KRT40: variants seen among roughly 807,000 people sequenced by gnomAD.
The protein encoded by KRT40 is keratin, type I cytoskeletal 40.
A neutral mutation model predicts 43.5 loss-of-function variants in KRT40; 47 were observed. That is an observed-to-expected ratio of 1.08 (90% confidence interval 0.86 to 1.38). KRT40 has a LOEUF of 1.38. Among genes scored for constraint, KRT40 ranks in the 40% most tolerant of loss-of-function variants. The pLI is 0.00. For missense variants in KRT40, 573 were observed against 523.6 expected (o/e 1.09, Z -0.92); for synonymous variants, 212 against 214.0 (o/e 0.99, Z 0.08).
At chr17:40,983,347 A>C (rs1912286929) in intron 1 of KRT40, among the ~76,000 whole-genome samples, 2 of 152,254 alleles carry the variant, frequency 1.3e-5, no homozygotes, top group Non-Finnish European at 2.9e-5. Context: ...TTAGTTTTTT[A>C]ATAACATAAG....
Position 40,984,116 on chromosome 17 carries a change from C to G in KRT40, c.158G>C (p.Arg53Pro). The change falls in exon 1 of 7, where the codon CGC (arginine) becomes CCC (proline). Residue 53 changes from arginine (R) to proline (P), a missense_variant. By Grantham distance (103) the Arg-to-Pro change is moderately radical. Transcript: ENST00000377755. The stretch of plus-strand genomic sequence containing the variant: ...TGGCAGGAGGCAACCAGTCAGCCCG[C>G]GAGACCTGGATAGGAAGCTTGGAGT... The part of the protein sequence containing the change: ...CQTPSFLSRS[R>P]GLTGCLLPCY... 6.2e-7 allele frequency: 1 copy of G among 1,614,092 alleles called. No individual in the cohort carries two copies. Among genetic ancestry groups the G allele is most frequent in the East Asian group, 2.2e-5 (1 of 44,868 alleles).
rs17714254 is a variant in KRT40 at position 40,980,517 on chromosome 17, G to C, written c.975+268C>G. 0.036 allele frequency among the ~76,000 whole-genome samples: 5,447 copies of C among 152,260 alleles called. 135 individuals carry two copies. Among genetic ancestry groups the C allele is most frequent in the Non-Finnish European group, 0.054 (3,676 of 68,006 alleles). ...TTAAAACCTGCCAGAATGCTTAAGCGACCATGGCCCGGAGGTTTCTCTCCA... is the reference window on the plus strand; with the variant it reads ...TTAAAACCTGCCAGAATGCTTAAGCCACCATGGCCCGGAGGTTTCTCTCCA... On this transcript the variant is annotated intron_variant, in intron 5 of 6. Transcript: ENST00000377755.
intron 3 of KRT40, chr17:40,981,428 A>G (rs1912145567): frequency 1.6e-6 from 1 of 621,910 alleles, no homozygotes; most frequent in Non-Finnish European, 2.9e-6. Context: ...ATTATGACAC[A>G]TAGTAAGGTG....
chr17:40,982,227 T>TAA, intron 3 of KRT40, 80 bp downstream of exon 3: 2 of 1,313,060 alleles, frequency 1.5e-6, no homozygotes, highest in Non-Finnish European at 2.0e-6. Flanking sequence ...CCAAATTCGA[T>TAA]TTACAAACAT....
At chr17:40,980,723 G>C (rs1912092543) in intron 5 of KRT40, 62 bp downstream of exon 5, 7 of 1,518,012 alleles carry the variant, frequency 4.6e-6, no homozygotes, top group Non-Finnish European at 6.1e-6. Flanking sequence ...ATGGAAGAGG[G>C]CTTAACATCT....
At chr17:40,987,079 G>C (rs1172762536), upstream of KRT40, 1 of 152,188 alleles carries the variant, frequency 6.6e-6, no homozygotes. Flanking sequence ...TCGTTCAACT[G>C]CCTCATGTGG....
chr17:40,986,254 AC>A (rs5820386), upstream of KRT40: 32,656 of 152,342 alleles, frequency 0.21, 4,424 homozygotes, highest in African/African-American at 0.39. Flanking sequence ...AATAAAAAAA[AC>A]CAAAAAACAA....
rs17843015 is a variant in KRT40 at position 40,984,020 on chromosome 17, A to G, written c.254T>C (p.Phe85Ser). 0.12 allele frequency: 190,078 copies of G among 1,613,658 alleles called. 12,081 individuals carry two copies. The highest frequency in any genetic ancestry group is 0.19 in the Admixed American group (11,569 of 59,956). The change falls in exon 1 of 7, where the codon TTC becomes TCC. Residue 85 changes from phenylalanine to serine, a missense_variant. Coordinates refer to ENST00000377755, the MANE Select transcript of KRT40 (RefSeq NM_001389244.1). ...GNCAWCEDGV[F>S]TSNEKETMQF... ...CATCGTCTCCTTCTCATTGCTAGTG[A>G]ACACCCCATCCTCACACCAGGCACA...
Position 40,977,946 on chromosome 17 carries a change from A to G in KRT40, c.*251T>C. On this transcript the variant is annotated 3_prime_UTR_variant, in exon 7 of 7. Coordinates refer to ENST00000377755, the MANE Select transcript of KRT40 (RefSeq NM_001389244.1). ...AGTAATCAGCCATAGAGCTATATTTACCACGCTAAAGGAATAAAACACGTT... is the reference window on the plus strand; with the variant it reads ...AGTAATCAGCCATAGAGCTATATTTGCCACGCTAAAGGAATAAAACACGTT... The G allele has an allele frequency of 2.5e-6, 1 of 404,368 alleles. No homozygotes were observed. The highest frequency in any genetic ancestry group is 4.5e-6 in the Non-Finnish European group (1 of 221,136). The allele number at this position is 404,368 out of a possible 1,614,324, so 25.0% of individuals were successfully genotyped here.
upstream of KRT40, among the ~76,000 whole-genome samples, chr17:40,986,698 G>C (rs554332059): frequency 6.0e-5 from 9 of 150,048 alleles, no homozygotes; most frequent in African/African-American, 2.2e-4. Context: ...ATTGGGAATA[G>C]AGAAAAAGAA....
upstream of KRT40, among the ~76,000 whole-genome samples, chr17:40,984,753 C>T (rs1362506046): frequency 6.6e-6 from 1 of 152,004 alleles, no homozygotes; most frequent in Non-Finnish European, 1.5e-5. Flanking sequence ...TTGTTTGTGC[C>T]ACCACCATAA....
Position 40,978,849 on chromosome 17 carries a change from C to T in KRT40, c.1151G>A (p.Gly384Asp). Reference protein sequence around the residue: ...VLLDVKARLEGEINTYWGLLD... With the variant: ...VLLDVKARLEDEINTYWGLLD... ...CAGGCCCCAGTACGTGTTGATCTCA[C>T]CCTCCAGCCGGGCCTTCACGTCCAG... is the stretch of plus-strand genomic sequence containing the variant. The change falls in exon 6 of 7, where the codon GGT (glycine) becomes GAT (aspartate). Residue 384 changes from glycine (G) to aspartate (D), a missense_variant. Gly to Asp is a moderately conservative substitution (Grantham distance 94, BLOSUM62 -1). Coordinates refer to ENST00000377755, the MANE Select transcript of KRT40 (RefSeq NM_001389244.1). 6.2e-7 allele frequency: 1 copy of T among 1,611,644 alleles called. No homozygotes were observed. The highest frequency in any genetic ancestry group is 2.2e-5 in the East Asian group (1 of 44,792).
At chr17:40,979,342 C>T (rs958872954) in intron 5 of KRT40, among the ~76,000 whole-genome samples, 4 of 151,900 alleles carry the variant, frequency 2.6e-5, no homozygotes, top group South Asian at 2.1e-4. Context: ...GGTGAAACCC[C>T]GTCTCTACTA....
At chr17:40,978,758 C>T in intron 6 of KRT40, 46 bp downstream of exon 6, 1 of 1,518,854 alleles carries the variant, frequency 6.6e-7, no homozygotes, top group Non-Finnish European at 9.1e-7. Context: ...TTTACATCAG[C>T]CTCTTTGTGA....
chr17:40,980,283 C>T (rs1431424643), intron 5 of KRT40, among the ~76,000 whole-genome samples: 2 of 152,130 alleles, frequency 1.3e-5, no homozygotes, highest in African/African-American at 4.8e-5. Context: ...TCCGCAGGGC[C>T]TAATGACATG....
chr17:40,982,267 T>C, intron 3 of KRT40, 40 bp downstream of exon 3: 1 of 1,475,292 alleles, frequency 6.8e-7, no homozygotes, highest in Non-Finnish European at 9.0e-7. Flanking sequence ...GTAAGTACGT[T>C]ACTCTCGGAG....
rs1316146159 is a variant in KRT40 at position 40,981,075 on chromosome 17, T to C, written c.764A>G (p.Asn255Ser). 6 of 1,614,208 alleles carry C rather than the reference T, an allele frequency of 3.7e-6. No homozygotes were observed. The highest frequency in any genetic ancestry group is 1.3e-5 in the African/African-American group (1 of 75,048). ...ELDTAPTLDL[N>S]RVLDEMRCQC... ...ACAGCGCATCTCATCCAGGACCCTGTTGAGGTCAAGGGTGGGGGCAGTGTC... is the reference window on the plus strand; with the variant it reads ...ACAGCGCATCTCATCCAGGACCCTGCTGAGGTCAAGGGTGGGGGCAGTGTC... The change falls in exon 4 of 7, where the codon AAC becomes AGC. Residue 255 changes from asparagine (N) to serine (S), a missense_variant. Transcript: ENST00000377755.
chr17:40,978,078 A>G lies in KRT40; in HGVS notation c.*119T>C. 1.4e-6 allele frequency: 1 copy of G among 713,474 alleles called. No homozygotes were observed. The highest frequency in any genetic ancestry group is 2.5e-6 in the Non-Finnish European group (1 of 405,542). 44.2% of individuals were successfully genotyped at this position (713,474 alleles called of 1,614,324 possible). A position where few individuals can be genotyped will look rare whatever the true frequency, so the allele number is the denominator to read the frequency against. On this transcript the variant is annotated 3_prime_UTR_variant, in exon 7 of 7. Transcript: ENST00000377755. ...AAAGACTGAGGATACCTGGAGGGCAATTCCAGGATATGAGAGCCTCCTGGA... is the reference window on the plus strand; with the variant it reads ...AAAGACTGAGGATACCTGGAGGGCAGTTCCAGGATATGAGAGCCTCCTGGA...
At chr17:40,979,052 C>G in intron 5 of KRT40, 28 bp from the exon 6 acceptor site, 3 of 1,572,726 alleles carry the variant, frequency 1.9e-6, no homozygotes, top group Admixed American at 1.7e-5. Flanking sequence ...GTCCAAAGGA[C>G]CATGAAGTGC....
Sources: allele counts gnomAD v4.1 joint callset (sites outside exome capture counted in the v4.1 genomes callset), GRCh38; gene constraint gnomAD v4.1.1; transcripts MANE v1.5; gene names NCBI Gene and HGNC (gene_info 2026-07-23, HGNC 2026-07-21).